Variants in OR6C74 observed in about 807,000 individuals in gnomAD.
OR6C74 encodes olfactory receptor family 6 subfamily C member 74.
For missense variants in OR6C74, 361 were observed against 362.9 expected, an observed-to-expected ratio of 0.99 and a Z score of 0.04; for synonymous variants, 142 against 134.2, an observed-to-expected ratio of 1.06 and a Z score of -0.40.
chr12:55,245,655 G>GT (rs1041358750), intron 1 of OR6C74, among the ~76,000 whole-genome samples: 1 of 152,038 alleles, frequency 6.6e-6, no homozygotes. Context: ...GGTTATAATA[G>GT]TTTTTTCATT....
intron 1 of OR6C74, among the ~76,000 whole-genome samples, chr12:55,246,329 C>T (rs993777784): frequency 3.9e-5 from 6 of 152,040 alleles, no homozygotes; most frequent in African/African-American, 7.2e-5. Context: ...ATGACAATTA[C>T]GAGGGAAGTC....
chr12:55,252,423 A>ATTTT lies in OR6C74; in HGVS notation c.*4197_*4198insTTTT, dbSNP rs1954317397. On this transcript the variant is annotated 3_prime_UTR_variant, in exon 2 of 2. Coordinates refer to ENST00000343399, the MANE Select transcript of OR6C74 (RefSeq NM_001005490.2). ...CCATTCAAATATGCTTTTTTTTTTG[A>ATTTT]AATTGACTACATTAATGTTAATCAG... is the stretch of plus-strand genomic sequence containing the variant. Among the ~76,000 whole-genome samples the ATTTT allele has an allele frequency of 1.4e-5, 2 of 146,060 alleles. No individual in the cohort carries two copies. Among genetic ancestry groups the ATTTT allele is most frequent in the Non-Finnish European group, 3.0e-5 (2 of 66,102 alleles).
chr12:55,248,284 T>C lies in OR6C74; in HGVS notation c.*58T>C. 1 of 1,108,782 alleles carries C rather than the reference T, an allele frequency of 9.0e-7. No individual in the cohort carries two copies. Among genetic ancestry groups the C allele is most frequent in the East Asian group, 2.5e-5 (1 of 39,754 alleles). The allele number at this position is 1,108,782 out of a possible 1,614,324, so 68.7% of individuals were successfully genotyped here. ...AAAATAAAACAAGAAGAGTGGAGTA[T>C]GTGCAAAGTTTTTCAATGTTTGTAT... On this transcript the variant is annotated 3_prime_UTR_variant, in exon 2 of 2. Coordinates refer to ENST00000343399, the MANE Select transcript of OR6C74 (RefSeq NM_001005490.2).
rs1030335381 is a variant in OR6C74 at position 55,252,632 on chromosome 12, C to G, written c.*4406C>G. On this transcript the variant is annotated 3_prime_UTR_variant, in exon 2 of 2. Coordinates refer to ENST00000343399, the MANE Select transcript of OR6C74 (RefSeq NM_001005490.2). ...TCAAACAGTCAATTTCCAAATTTCTCTTTTAATTCAACTTTCTTTTGATAA... is the reference window on the plus strand; with the variant it reads ...TCAAACAGTCAATTTCCAAATTTCTGTTTTAATTCAACTTTCTTTTGATAA... Among the ~76,000 whole-genome samples, 2 of 151,798 alleles carry G rather than the reference C, an allele frequency of 1.3e-5. No individual in the cohort carries two copies. The highest frequency in any genetic ancestry group is 2.9e-5 in the Non-Finnish European group (2 of 67,818).
Position 55,253,870 on chromosome 12 carries a change from C to A in OR6C74, c.*5644C>A, listed in dbSNP as rs112648575. Among the ~76,000 whole-genome samples the A allele has an allele frequency of 7.2e-5, 11 of 152,138 alleles. No homozygotes were observed. Among genetic ancestry groups the A allele is most frequent in the African/African-American group, 2.4e-4 (10 of 41,534 alleles). ...TTGAAGTCTGTAATTGAATAAGGAGCTTTAACTCCATTATGATGGCTAATT... is the reference window on the plus strand; with the variant it reads ...TTGAAGTCTGTAATTGAATAAGGAGATTTAACTCCATTATGATGGCTAATT... On this transcript the variant is annotated 3_prime_UTR_variant, in exon 2 of 2. Coordinates refer to ENST00000343399, the MANE Select transcript of OR6C74 (RefSeq NM_001005490.2).
In OR6C74 at chr12:55,249,755, GT is replaced by G. The variant is rs764899606; in HGVS notation, c.*1538del. ...GGCTTTCTTTGCATCAGGAATTTAA[GT>G]TTTTTTTTATTATTATACTTTAAGT... On this transcript the variant is annotated 3_prime_UTR_variant, in exon 2 of 2. Transcript: ENST00000343399. Among the ~76,000 whole-genome samples, 15 of 150,882 alleles carry G rather than the reference GT, an allele frequency of 9.9e-5. No homozygotes were observed. The highest frequency in any genetic ancestry group is 2.1e-4 in the South Asian group (1 of 4,796).
Position 55,247,887 on chromosome 12 carries a change from A to G in OR6C74, c.600A>G (p.Ser200=), listed in dbSNP as rs1372724455. The change falls in exon 2 of 2, where the codon TCA becomes TCG. Residue 200 remains serine, a synonymous_variant. Coordinates refer to ENST00000343399, the MANE Select transcript of OR6C74 (RefSeq NM_001005490.2). Reference sequence around the variant, plus strand: ...TAATAGAATTAATGATGCTTCTCTCAGCCATTTTGACGCTCCTGGTTACAC... The same window carrying G: ...TAATAGAATTAATGATGCTTCTCTCGGCCATTTTGACGCTCCTGGTTACAC... ...TDIIELMMLL[S]AILTLLVTLV... The G allele has an allele frequency of 1.2e-6, 2 of 1,613,924 alleles. No homozygotes were observed. The highest frequency in any genetic ancestry group is 1.7e-6 in the Non-Finnish European group (2 of 1,179,892).
chr12:55,246,021 C>G (rs1265091636), intron 1 of OR6C74, among the ~76,000 whole-genome samples: 1 of 152,100 alleles, frequency 6.6e-6, no homozygotes, highest in African/African-American at 2.4e-5. Flanking sequence ...CACTCCAGAG[C>G]TGGAATATAC....
In OR6C74 at chr12:55,255,032, ATCAT is replaced by A. The variant is rs960666370; in HGVS notation, c.*6810_*6813del. Among the ~76,000 whole-genome samples the A allele has an allele frequency of 3.9e-5, 6 of 152,190 alleles. No individual in the cohort carries two copies. Among genetic ancestry groups the A allele is most frequent in the African/African-American group, 1.4e-4 (6 of 41,542 alleles). ...TTTTTTTTTACAAAGTTGTTTTAATATCATTCAGCCTTGAAAGATCGAAATAATA... is the reference window on the plus strand; with the variant it reads ...TTTTTTTTTACAAAGTTGTTTTAATATCAGCCTTGAAAGATCGAAATAATA... On this transcript the variant is annotated 3_prime_UTR_variant, in exon 2 of 2. Transcript: ENST00000343399.
rs1422652421 is a variant in OR6C74 at position 55,253,133 on chromosome 12, A to G, written c.*4907A>G. On this transcript the variant is annotated 3_prime_UTR_variant, in exon 2 of 2. Transcript: ENST00000343399. The stretch of plus-strand genomic sequence containing the variant: ...CATTTTATTTGCAGGTTGTGCCAAT[A>G]AATTCTTGTATTATCTATTAATCCA... 6.6e-6 allele frequency among the ~76,000 whole-genome samples: 1 copy of G among 152,084 alleles called. No homozygotes were observed. Among genetic ancestry groups the G allele is most frequent in the African/African-American group, 2.4e-5 (1 of 41,448 alleles).
rs1954336317 is a variant in OR6C74, at chr12:55,255,298, T to C, written c.*7072T>C. Among the ~76,000 whole-genome samples the C allele has an allele frequency of 6.6e-6, 1 of 152,108 alleles. No homozygotes were observed. Among genetic ancestry groups the C allele is most frequent in the African/African-American group, 2.4e-5 (1 of 41,448 alleles). On this transcript the variant is annotated 3_prime_UTR_variant, in exon 2 of 2. Coordinates refer to ENST00000343399, the MANE Select transcript of OR6C74 (RefSeq NM_001005490.2). ...GCAAAGGGAACGAGGAAACAACAGA[T>C]GTTGGTGAGGATGTGGAGAAGTAGG... is the stretch of plus-strand genomic sequence containing the variant.
rs1245408009 is a variant in OR6C74, at chr12:55,249,042, C to A, written c.*816C>A. ...ATGATGCCTTCATGTCCACTCACCG[C>A]TTACACATTTTTAGCAAAACGAAGT... On this transcript the variant is annotated 3_prime_UTR_variant, in exon 2 of 2. Transcript: ENST00000343399. 6.6e-6 allele frequency among the ~76,000 whole-genome samples: 1 copy of A among 152,178 alleles called. No individual in the cohort carries two copies. Among genetic ancestry groups the A allele is most frequent in the Non-Finnish European group, 1.5e-5 (1 of 68,022 alleles).
In OR6C74 at chr12:55,248,179, GT is replaced by G. The variant is rs1407929733; in HGVS notation, c.897del (p.Phe299LeufsTer13). On this transcript the variant is annotated frameshift_variant, in exon 2 of 2. Transcript: ENST00000343399. LOFTEE classifies it low-confidence loss of function (END_TRUNC). ...ACTGAGAAACAAACAAGTAAAAGATGTTTTTAAGCACACAGTCAAAAAGATT... is the reference window on the plus strand; with the variant it reads ...ACTGAGAAACAAACAAGTAAAAGATGTTTTAAGCACACAGTCAAAAAGATT... ...YTLRNKQVKD[V>X]FKHTVKKIEL... 1.9e-6 allele frequency: 3 copies of G among 1,612,742 alleles called. No individual in the cohort carries two copies. Among genetic ancestry groups the G allele is most frequent in the Non-Finnish European group, 2.5e-6 (3 of 1,179,434 alleles).
chr12:55,247,385 A>G lies in OR6C74; in HGVS notation c.98A>G (p.Tyr33Cys), dbSNP rs113925664. ...VIIFLLLFFT[Y>C]MLSITGNLTI... is the part of the protein sequence containing the mutation. ...ATTTTTCTTCTCCTTTTTTTCACCT[A>G]CATGTTGAGCATCACTGGGAATCTA... Residue 33 changes from tyrosine to cysteine, a missense_variant, in exon 2 of 2, where the codon TAC (tyrosine) becomes TGC (cysteine). Transcript: ENST00000343399. 1.8e-5 allele frequency: 29 copies of G among 1,611,508 alleles called. No homozygotes were observed. The highest frequency in any genetic ancestry group is 2.3e-5 in the Non-Finnish European group (27 of 1,177,822).
chr12:55,246,768 C>T (rs991407553), intron 1 of OR6C74, among the ~76,000 whole-genome samples: 1 of 152,020 alleles, frequency 6.6e-6, no homozygotes, highest in Non-Finnish European at 1.5e-5. Flanking sequence ...GTATTGAATT[C>T]CCACTGTGGA....
In OR6C74 at chr12:55,244,872, G is replaced by A. The variant is rs1414028123; in HGVS notation, c.-10+55G>A. Among the ~76,000 whole-genome samples, 6 of 151,894 alleles carry A rather than the reference G, an allele frequency of 4.0e-5. No homozygotes were observed. The East Asian group carries it at 1.2e-3, about 29-fold the overall frequency. On this transcript the variant is annotated intron_variant, in intron 1 of 1. Coordinates refer to ENST00000343399, the MANE Select transcript of OR6C74 (RefSeq NM_001005490.2). ...AGCCTAAACATCCTGAGTGTTTCTGGCATTAATGTATTTTTTGGATGAGAA... is the reference window on the plus strand; with the variant it reads ...AGCCTAAACATCCTGAGTGTTTCTGACATTAATGTATTTTTTGGATGAGAA...
In OR6C74 at chr12:55,248,091, A is replaced by G. The variant is rs1175363677; in HGVS notation, c.804A>G (p.Leu268=). ...CCTCAGCAAAAGAAAGAGTGTCATT[A>G]AATAAAGGGATAGCTCTGCTCAGCA... ...VKPSAKERVS[L]NKGIALLSTS... is the part of the protein sequence containing the mutation. Residue 268 remains leucine (L), a synonymous_variant, in exon 2 of 2, where the codon TTA becomes TTG. Transcript: ENST00000343399. The G allele has an allele frequency of 6.2e-7, 1 of 1,614,080 alleles. No individual in the cohort carries two copies. The highest frequency in any genetic ancestry group is 8.5e-7 in the Non-Finnish European group (1 of 1,179,962).
chr12:55,256,262 G>C lies in OR6C74; in HGVS notation c.*8036G>C, dbSNP rs111993630. 6.6e-6 allele frequency among the ~76,000 whole-genome samples: 1 copy of C among 151,976 alleles called. No individual in the cohort carries two copies. The highest frequency in any genetic ancestry group is 6.6e-5 in the Admixed American group (1 of 15,256). On this transcript the variant is annotated 3_prime_UTR_variant, in exon 2 of 2. Coordinates refer to ENST00000343399, the MANE Select transcript of OR6C74 (RefSeq NM_001005490.2). The stretch of plus-strand genomic sequence containing the variant: ...CCTTGTGTAGAGCCTATAAATGGAC[G>C]CATTGGGGGGGCACCTGTTCATATG...
Position 55,248,114 on chromosome 12 carries a change from G to A in OR6C74, c.827G>A (p.Ser276Asn), listed in dbSNP as rs1954287937. ...TTAAATAAAGGGATAGCTCTGCTCA[G>A]CACTTCTGTTGCCCCCATGTTGAAT... ...VSLNKGIALL[S>N]TSVAPMLNPF... The change falls in exon 2 of 2, where the codon AGC (serine) becomes AAC (asparagine). Residue 276 changes from serine (S) to asparagine (N), a missense_variant. By Grantham distance (46) the Ser-to-Asn change is conservative (BLOSUM62 1). Coordinates refer to ENST00000343399, the MANE Select transcript of OR6C74 (RefSeq NM_001005490.2). The A allele has an allele frequency of 1.9e-6, 3 of 1,613,798 alleles. No homozygotes were observed. Among genetic ancestry groups the A allele is most frequent in the Admixed American group, 3.3e-5 (2 of 60,006 alleles).
Sources: allele counts gnomAD v4.1 joint callset (sites outside exome capture counted in the v4.1 genomes callset), GRCh38; gene constraint gnomAD v4.1.1; transcripts MANE v1.5; gene names NCBI Gene and HGNC (gene_info 2026-07-23, HGNC 2026-07-21).